The following ZNF704 variants were observed in gnomAD, a reference collection of about 807,000 sequenced individuals.
The protein encoded by ZNF704 is zinc finger protein 704.
A neutral mutation model predicts 44.7 loss-of-function variants in ZNF704; 10 were observed. The ratio of observed to expected loss-of-function variants is 0.22; its 90% CI spans 0.14 to 0.38. ZNF704 has a LOEUF of 0.38. Among genes scored for constraint, ZNF704 ranks in the 10% least tolerant of loss-of-function variants. The pLI is 1.00. For synonymous variants in ZNF704, 211 were observed against 207.6 expected, an observed-to-expected ratio of 1.02 and a Z score of -0.14; for missense variants, 390 against 545.5, an observed-to-expected ratio of 0.71 and a Z score of 2.84.
At chr8:80,839,211 A>T (rs1359795007) in intron 1 of ZNF704, among the ~76,000 whole-genome samples, 1 of 152,248 alleles carries the variant, frequency 6.6e-6, no homozygotes, top group Non-Finnish European at 1.5e-5. Flanking sequence ...AACTAGAAAC[A>T]CAACTTTTCA....
chr8:80,833,887 T>C (rs1808512210), intron 1 of ZNF704, among the ~76,000 whole-genome samples: 1 of 152,140 alleles, frequency 6.6e-6, no homozygotes. Flanking sequence ...TTTTAGGGGT[T>C]TTGGAATGGG....
intron 2 of ZNF704, among the ~76,000 whole-genome samples, chr8:80,709,511 A>G (rs1223168694): frequency 6.7e-6 from 1 of 150,364 alleles, no homozygotes; most frequent in Non-Finnish European, 1.5e-5. Flanking sequence ...TCCAAGAAGC[A>G]GACACCAAGA....
At chr8:80,753,885 A>G (rs775558620) in intron 2 of ZNF704, among the ~76,000 whole-genome samples, 1 of 152,202 alleles carries the variant, frequency 6.6e-6, no homozygotes, top group African/African-American at 2.4e-5. Flanking sequence ...GGCAGACCCC[A>G]TGAGAGATGC....
chr8:80,692,503 A>G (rs1373339014), intron 3 of ZNF704, among the ~76,000 whole-genome samples: 1 of 152,192 alleles, frequency 6.6e-6, no homozygotes, highest in African/African-American at 2.4e-5. Context: ...TACTTTTTCA[A>G]TGAGGTATTC....
intron 1 of ZNF704, among the ~76,000 whole-genome samples, chr8:80,824,841 G>A (rs868429036): frequency 6.6e-6 from 1 of 152,118 alleles, no homozygotes. Context: ...ATAAGTGAAG[G>A]GGAAATAAAA....
chr8:80,732,088 T>C (rs1806591384), intron 2 of ZNF704, among the ~76,000 whole-genome samples: 1 of 152,232 alleles, frequency 6.6e-6, no homozygotes, highest in Non-Finnish European at 1.5e-5. Context: ...CAAGGCTTCC[T>C]GAATTTGTGC....
chr8:80,760,094 C>T (rs1807102744), intron 2 of ZNF704, among the ~76,000 whole-genome samples: 1 of 152,154 alleles, frequency 6.6e-6, no homozygotes, highest in African/African-American at 2.4e-5. Flanking sequence ...TGAGAAAGAC[C>T]CTGATGAGCA....
At chr8:80,865,282 C>T (rs1347861512) in intron 1 of ZNF704, among the ~76,000 whole-genome samples, 2 of 152,080 alleles carry the variant, frequency 1.3e-5, no homozygotes, top group Non-Finnish European at 2.9e-5. Flanking sequence ...TCATATTATC[C>T]CAATTTTGAA....
At chr8:80,690,899 C>T (rs73271086) in intron 3 of ZNF704, among the ~76,000 whole-genome samples, 15,633 of 152,094 alleles carry the variant, frequency 0.1, 2,720 homozygotes, top group African/African-American at 0.36. Flanking sequence ...ATCTCAGCTA[C>T]TTGGGAGACT....
At chr8:80,666,206 T>C (rs1172820507) in intron 5 of ZNF704, among the ~76,000 whole-genome samples, 4 of 146,760 alleles carry the variant, frequency 2.7e-5, no homozygotes, top group Non-Finnish European at 4.5e-5. Flanking sequence ...TGAGTGAGAA[T>C]ATGCAGTGTT....
intron 4 of ZNF704, among the ~76,000 whole-genome samples, chr8:80,685,712 C>T (rs1005167285): frequency 6.6e-6 from 1 of 152,226 alleles, no homozygotes; most frequent in African/African-American, 2.4e-5. Flanking sequence ...CAGTAATATC[C>T]TCTTTTCTGG....
intron 4 of ZNF704, among the ~76,000 whole-genome samples, chr8:80,684,689 C>T (rs773053761): frequency 6.6e-6 from 1 of 152,154 alleles, no homozygotes; most frequent in Non-Finnish European, 1.5e-5. Flanking sequence ...TGTGTTCTGT[C>T]ACATCACGAA....
At chr8:80,789,743 T>C (rs531816188) in intron 2 of ZNF704, among the ~76,000 whole-genome samples, 1 of 152,088 alleles carries the variant, frequency 6.6e-6, no homozygotes, top group South Asian at 2.1e-4. Flanking sequence ...CTCTGTCCTC[T>C]GAAAAACTAA....
chr8:80,807,728 T>C (rs1808014023), intron 2 of ZNF704, among the ~76,000 whole-genome samples: 1 of 152,184 alleles, frequency 6.6e-6, no homozygotes, highest in Non-Finnish European at 1.5e-5. Flanking sequence ...TATTGTCTGA[T>C]CCACTGAGAG....
Position 80,630,140 on chromosome 8 carries a change from C to T in ZNF704, c.*11226G>A, listed in dbSNP as rs1817560206. 1 of 152,120 alleles carries T rather than the reference C, an allele frequency of 6.6e-6. No homozygotes were observed. The highest frequency in any genetic ancestry group is 1.5e-5 in the Non-Finnish European group (1 of 68,016). 9.4% of individuals were successfully genotyped at this position (152,120 alleles called of 1,614,324 possible). A position where few individuals can be genotyped will look rare whatever the true frequency, so the allele number is the denominator to read the frequency against. ...GGTAGGTAGCTATGAAAAAAATTTACTTGGATTCGATACAAAATACATGCT... is the reference window on the plus strand; with the variant it reads ...GGTAGGTAGCTATGAAAAAAATTTATTTGGATTCGATACAAAATACATGCT... On this transcript the variant is annotated 3_prime_UTR_variant, in exon 9 of 9. Coordinates refer to ENST00000327835, the MANE Select transcript of ZNF704 (RefSeq NM_001033723.3).
At chr8:80,814,513 TGATGGGAAGA>T in intron 2 of ZNF704, among the ~76,000 whole-genome samples, 1 of 152,318 alleles carries the variant, frequency 6.6e-6, no homozygotes, top group Non-Finnish European at 1.5e-5. Context: ...ATTACTGAAA[TGATGGGAAGA>T]GATAAATGGA....
rs575318735 is a variant in ZNF704 at position 80,757,166 on chromosome 8, C to T, written c.222-64059G>A. On this transcript the variant is annotated intron_variant, in intron 2 of 8. Transcript: ENST00000327835. The stretch of plus-strand genomic sequence containing the variant: ...CCTTTAGAGGTATTTCAGAAGAAGG[C>T]ATTGTTATCATAGGAGATGACAGCT... 7.6e-4 allele frequency among the ~76,000 whole-genome samples: 115 copies of T among 152,196 alleles called. 1 individual carries two copies. Among genetic ancestry groups the T allele is most frequent in the African/African-American group, 2.6e-3 (110 of 41,530 alleles).
At chr8:80,648,475 G>A (rs976388332) in intron 7 of ZNF704, among the ~76,000 whole-genome samples, 6 of 152,198 alleles carry the variant, frequency 3.9e-5, no homozygotes, top group Non-Finnish European at 5.9e-5. Context: ...GAAACCAAGG[G>A]AGTAACTGGG....
At chr8:80,728,944 T>C (rs1236966465) in intron 2 of ZNF704, among the ~76,000 whole-genome samples, 1 of 152,180 alleles carries the variant, frequency 6.6e-6, no homozygotes, top group Non-Finnish European at 1.5e-5. Context: ...AGGCAGTCAT[T>C]AAGAGTTGAT....
Sources: gnomAD v4.1 joint callset for allele counts (sites outside exome capture counted in the v4.1 genomes callset) on GRCh38, gnomAD v4.1.1 for gene constraint, MANE v1.5 for transcripts, NCBI Gene and HGNC (gene_info 2026-07-23, HGNC 2026-07-21) for gene names.